The following MAPK4 variants were observed in gnomAD, a reference collection of about 807,000 sequenced individuals.
The protein encoded by MAPK4 is Erk3-related.
A neutral mutation model predicts 47.7 loss-of-function variants in MAPK4; 22 were observed. The observed-to-expected ratio is 0.46, with a 90% CI of 0.33 to 0.66. The LOEUF (loss-of-function observed/expected upper bound fraction) is 0.66. Ranked by LOEUF, MAPK4 falls within the 30% of genes least tolerant of loss-of-function variation. The probability of loss-of-function intolerance (pLI) is 0.02; values close to 1 mark genes in which losing one functional copy is unlikely to be tolerated. For synonymous variants in MAPK4, 390 were observed against 365.7 expected (o/e 1.07, Z -0.76); for missense variants, 736 against 831.7 (o/e 0.88, Z 1.42).
chr18:50,686,890 G>A (rs1908910999), intron 2 of MAPK4, among the ~76,000 whole-genome samples: 1 of 152,184 alleles, frequency 6.6e-6, no homozygotes, highest in Non-Finnish European at 1.5e-5. Flanking sequence ...ATTATTCTCT[G>A]CCTTATACTC....
At chr18:50,636,223 G>A (rs914820706) in intron 1 of MAPK4, among the ~76,000 whole-genome samples, 7 of 152,120 alleles carry the variant, frequency 4.6e-5, no homozygotes, top group African/African-American at 1.7e-4. Flanking sequence ...CCTTCAATAC[G>A]TGCTCTCGCA....
At chr18:50,615,546 C>T (rs1174751138) in intron 1 of MAPK4, among the ~76,000 whole-genome samples, 1 of 152,174 alleles carries the variant, frequency 6.6e-6, no homozygotes, top group African/African-American at 2.4e-5. Context: ...GATCCTGCAG[C>T]TGCGCACATC....
chr18:50,611,323 A>G (rs541864547), intron 1 of MAPK4, among the ~76,000 whole-genome samples: 1 of 152,340 alleles, frequency 6.6e-6, no homozygotes, highest in South Asian at 2.1e-4. Flanking sequence ...AGAGGCTCCC[A>G]GTGTTGTGCC....
chr18:50,567,169 C>T (rs912007089), intron 1 of MAPK4, among the ~76,000 whole-genome samples: 3 of 151,952 alleles, frequency 2.0e-5, no homozygotes, highest in Non-Finnish European at 4.4e-5. Flanking sequence ...TATACACGTG[C>T]CATGGTGGTT....
At chr18:50,574,652 T>C (rs1487446019) in intron 1 of MAPK4, among the ~76,000 whole-genome samples, 1 of 152,122 alleles carries the variant, frequency 6.6e-6, no homozygotes, top group East Asian at 1.9e-4. Flanking sequence ...AAACTACAAA[T>C]GTGAAGAGAG....
intron 2 of MAPK4, among the ~76,000 whole-genome samples, chr18:50,714,130 A>G (rs1432407525): frequency 1.3e-5 from 2 of 152,218 alleles, no homozygotes; most frequent in Non-Finnish European, 1.5e-5. Flanking sequence ...CTGCGAAGTA[A>G]AAGACCATCC....
chr18:50,619,062 C>T (rs2042708644), intron 1 of MAPK4, among the ~76,000 whole-genome samples: 2 of 152,136 alleles, frequency 1.3e-5, no homozygotes, highest in Non-Finnish European at 2.9e-5. Context: ...TTAATTAGGC[C>T]GTCTCCTTGC....
In MAPK4 at chr18:50,678,851, G is replaced by A. The variant is rs796776844; in HGVS notation, c.546+14347G>A. Among the ~76,000 whole-genome samples the A allele has an allele frequency of 3.3e-4, 50 of 152,254 alleles. No homozygotes were observed. The highest frequency in any genetic ancestry group is 1.1e-3 in the African/African-American group (46 of 41,544). On this transcript the variant is annotated intron_variant, in intron 2 of 5. Transcript: ENST00000400384. The surrounding 1 kb of genome is among the most constrained non-coding windows in gnomAD (Gnocchi z 4.2). ...CTTGCCCTCCCTTTTGTGGCATGGC[G>A]GCCCCACCTTTGGCTTTCAGATGAC...
intron 1 of MAPK4, among the ~76,000 whole-genome samples, chr18:50,659,965 C>A (rs1241407052): frequency 6.6e-6 from 1 of 152,198 alleles, no homozygotes; most frequent in African/African-American, 2.4e-5. Context: ...ACTCCCCTGC[C>A]CAGGTGGACA....
intron 2 of MAPK4, among the ~76,000 whole-genome samples, chr18:50,687,478 T>G (rs114948405): frequency 0.01 from 1,535 of 152,348 alleles, 28 homozygotes; most frequent in African/African-American, 0.035. Context: ...TATGTTATCC[T>G]AAAGTAGCTC....
At chr18:50,662,173 C>T (rs994847287) in intron 1 of MAPK4, among the ~76,000 whole-genome samples, 22 of 152,322 alleles carry the variant, frequency 1.4e-4, no homozygotes, top group Admixed American at 8.5e-4. Flanking sequence ...CAAGTTCATG[C>T]CTTTGTGTTG....
At chr18:50,690,348 A>G (rs1909143162) in intron 2 of MAPK4, among the ~76,000 whole-genome samples, 1 of 152,212 alleles carries the variant, frequency 6.6e-6, no homozygotes, top group African/African-American at 2.4e-5. Context: ...TCCAGGTGTG[A>G]GTTTAAATGC....
chr18:50,623,819 C>T (rs1017080442), intron 1 of MAPK4, among the ~76,000 whole-genome samples: 9 of 152,242 alleles, frequency 5.9e-5, no homozygotes, highest in Non-Finnish European at 1.3e-4. Context: ...GCTCTGTCCA[C>T]CTCTTCAACC....
chr18:50,658,883 C>G (rs368632953), intron 1 of MAPK4, among the ~76,000 whole-genome samples: 4 of 152,140 alleles, frequency 2.6e-5, no homozygotes, highest in African/African-American at 9.7e-5. Flanking sequence ...GGGCCGGGTC[C>G]CAACACACTT....
chr18:50,672,490 T>C (rs920669281), intron 2 of MAPK4, among the ~76,000 whole-genome samples: 1 of 152,078 alleles, frequency 6.6e-6, no homozygotes, highest in Non-Finnish European at 1.5e-5. Context: ...GGAAAGCTCA[T>C]TGTGTTGGCG....
chr18:50,719,309 TCAAAGGTCTGATGGTCCAG>T (rs1910803355), intron 3 of MAPK4, among the ~76,000 whole-genome samples: 1 of 151,754 alleles, frequency 6.6e-6, no homozygotes, highest in Non-Finnish European at 1.5e-5. Context: ...GTCTCTGTCC[TCAAAGGTCTGATGGTCCAG>T]CAGGGGACAC....
At chr18:50,636,843 G>A (rs548900665) in intron 1 of MAPK4, among the ~76,000 whole-genome samples, 15 of 152,148 alleles carry the variant, frequency 9.9e-5, no homozygotes, top group Admixed American at 4.6e-4. Flanking sequence ...ATGCTTTTGC[G>A]TATTGGTGTT....
chr18:50,588,619 A>G (rs1171284759), intron 1 of MAPK4, among the ~76,000 whole-genome samples: 2 of 152,126 alleles, frequency 1.3e-5, no homozygotes, highest in African/African-American at 2.4e-5. Flanking sequence ...CAGTGGTGCT[A>G]TCTCAGCTCA....
rs1908422068 is a variant in MAPK4, at chr18:50,678,834, C to G, written c.546+14330C>G. Among the ~76,000 whole-genome samples, 1 of 152,170 alleles carries G rather than the reference C, an allele frequency of 6.6e-6. No homozygotes were observed. Among genetic ancestry groups the G allele is most frequent in the Non-Finnish European group, 1.5e-5 (1 of 68,036 alleles). ...GAAAGGGGGAGCCATTCCTTGCCCT[C>G]CCTTTTGTGGCATGGCGGCCCCACC... On this transcript the variant is annotated intron_variant, in intron 2 of 5. Coordinates refer to ENST00000400384, the MANE Select transcript of MAPK4 (RefSeq NM_002747.4). This position sits in a 1 kb window ranked among gnomAD's most constrained non-coding sequence, Gnocchi z 4.2.
Sources: gnomAD v4.1 joint callset for allele counts (sites outside exome capture counted in the v4.1 genomes callset) on GRCh38, gnomAD v4.1.1 for gene constraint, Gnocchi (gnomAD v3.1) non-coding constraint, MANE v1.5 for transcripts, NCBI Gene and HGNC (gene_info 2026-07-23, HGNC 2026-07-21) for gene names.